The following TRPM6 variants were observed in gnomAD, a reference collection of about 807,000 sequenced individuals.
The protein encoded by TRPM6 is transient receptor potential cation channel subfamily M member 6, also known as channel kinase 2.
TRPM6 carries 111 observed loss-of-function variants against 247.6 expected under a neutral mutation model. That is an observed-to-expected ratio of 0.45 (90% CI 0.38 to 0.52). TRPM6 has a LOEUF of 0.52. Ranked by LOEUF, TRPM6 falls within the 20% of genes least tolerant of loss-of-function variation. The probability of loss-of-function intolerance (pLI) is 0.00; values close to 1 mark genes in which losing one functional copy is unlikely to be tolerated. For synonymous variants in TRPM6, 892 were observed against 853.8 expected (o/e 1.04, Z -0.78); for missense variants, 2,126 against 2,421.5 (o/e 0.88, Z 2.56).
chr9:74,801,577 C>A (rs971538476), intron 16 of TRPM6, among the ~76,000 whole-genome samples: 52 of 152,228 alleles, frequency 3.4e-4, no homozygotes, highest in African/African-American at 1.2e-3. Context: ...TCAAAGACTT[C>A]TAGAGTTAGG....
intron 19 of TRPM6, among the ~76,000 whole-genome samples, chr9:74,791,365 C>T (rs2151424): frequency 0.28 from 42,481 of 152,010 alleles, 6,146 homozygotes; most frequent in African/African-American, 0.35. Context: ...TATCCTTTTA[C>T]AGTCACACTT....
rs190547689 is a variant in TRPM6 at position 74,845,115 on chromosome 9, G to C, written c.153-2772C>G. ...TCGCCGATTAAAGATTGTCATAACA[G>C]ATACAATAATGATAAAATAAAAAAG... is the stretch of plus-strand genomic sequence containing the variant. On this transcript the variant is annotated intron_variant, in intron 3 of 38. Transcript: ENST00000360774. Among the ~76,000 whole-genome samples, 230 of 152,280 alleles carry C rather than the reference G, an allele frequency of 1.5e-3. 1 individual carries two copies. Among genetic ancestry groups the C allele is most frequent in the Admixed American group, 6.8e-3 (104 of 15,296 alleles).
At chr9:74,839,927 GAAAA>G (rs1829871401) in intron 5 of TRPM6, 93 bp downstream of exon 5, 1 of 439,680 alleles carries the variant, frequency 2.3e-6, no homozygotes, top group African/African-American at 6.1e-5. Context: ...GGAAAGAAAA[GAAAA>G]GAAAGAGAAA....
intron 16 of TRPM6, among the ~76,000 whole-genome samples, chr9:74,801,427 C>A (rs1828335023): frequency 6.6e-6 from 1 of 151,942 alleles, no homozygotes; most frequent in South Asian, 2.1e-4. Context: ...ATTACTATAA[C>A]ACTTTAGTAA....
At chr9:74,846,672 A>T (rs1371074254) in intron 3 of TRPM6, among the ~76,000 whole-genome samples, 1 of 151,772 alleles carries the variant, frequency 6.6e-6, no homozygotes, top group Non-Finnish European at 1.5e-5. Context: ...TCAGCCTCCC[A>T]AGTAGCTGGG....
chr9:74,741,111 C>A (rs1825849910), intron 33 of TRPM6, among the ~76,000 whole-genome samples: 4 of 152,090 alleles, frequency 2.6e-5, no homozygotes, highest in Non-Finnish European at 4.4e-5. Flanking sequence ...CAGATACAAA[C>A]TCAATCCCAC....
chr9:74,846,165 C>T (rs1465980367), intron 3 of TRPM6, among the ~76,000 whole-genome samples: 1 of 152,134 alleles, frequency 6.6e-6, no homozygotes, highest in Non-Finnish European at 1.5e-5. Context: ...ATAAGTTGAT[C>T]AGGTAAGTTG....
At chr9:74,819,308 CAA>C (rs35593869) in intron 9 of TRPM6, among the ~76,000 whole-genome samples, 29 of 127,000 alleles carry the variant, frequency 2.3e-4, no homozygotes, top group Non-Finnish European at 2.1e-4. Flanking sequence ...GGCCCTGTCT[CAA>C]AAAAAAAAAA....
chr9:74,809,661 G>C (rs1828655286), intron 13 of TRPM6, among the ~76,000 whole-genome samples: 1 of 151,852 alleles, frequency 6.6e-6, no homozygotes, highest in Non-Finnish European at 1.5e-5. Flanking sequence ...ACATGAGCAC[G>C]GACACTTTTG....
intron 17 of TRPM6, chr9:74,799,790 A>T (rs1828245849): frequency 5.2e-6 from 1 of 191,142 alleles, no homozygotes; most frequent in Non-Finnish European, 1.1e-5. Context: ...GTAAAATTAT[A>T]CCCATTTTTC....
intron 36 of TRPM6, among the ~76,000 whole-genome samples, chr9:74,734,215 G>A (rs966941788): frequency 3.3e-5 from 5 of 152,152 alleles, no homozygotes; most frequent in African/African-American, 1.2e-4. Flanking sequence ...CGATTTCTGA[G>A]ATCATTCTCT....
At chr9:74,785,596 C>A (rs1440181663) in intron 21 of TRPM6, among the ~76,000 whole-genome samples, 1 of 152,112 alleles carries the variant, frequency 6.6e-6, no homozygotes, top group Non-Finnish European at 1.5e-5. Flanking sequence ...AATCTCGGCT[C>A]ACTGCAAGCT....
chr9:74,792,546 A>G (rs776431675), intron 19 of TRPM6, 78 bp downstream of exon 19: 5 of 1,488,092 alleles, frequency 3.4e-6, no homozygotes, highest in Non-Finnish European at 4.7e-6. Flanking sequence ...GCAAAGTGGC[A>G]AATCAGGCAT....
chr9:74,723,860 TAA>T lies in TRPM6; in HGVS notation c.*751_*752del, dbSNP rs1563983659. The T allele has an allele frequency of 6.8e-6, 1 of 146,650 alleles. No individual in the cohort carries two copies. Among genetic ancestry groups the T allele is most frequent in the Non-Finnish European group, 1.5e-5 (1 of 67,000 alleles). 9.1% of individuals were successfully genotyped at this position (146,650 alleles called of 1,614,324 possible). The stretch of plus-strand genomic sequence containing the variant: ...ATATTCCATATGTATTTTATATATA[TAA>T]TATATATATTCCATATATATTATAT... On this transcript the variant is annotated 3_prime_UTR_variant, in exon 39 of 39. Coordinates refer to ENST00000360774, the MANE Select transcript of TRPM6 (RefSeq NM_017662.5).
chr9:74,817,142 A>G (rs1828963104), intron 9 of TRPM6, among the ~76,000 whole-genome samples, 178 bp from the exon 10 acceptor site: 1 of 152,204 alleles, frequency 6.6e-6, no homozygotes, highest in African/African-American at 2.4e-5. Flanking sequence ...AATTATGGGC[A>G]CTTGGGGGGG....
intron 38 of TRPM6, 22 bp from the exon 39 acceptor site, chr9:74,724,768 AG>A: frequency 6.2e-7 from 1 of 1,614,022 alleles, no homozygotes; most frequent in East Asian, 2.2e-5. Flanking sequence ...ACAAGTAAAA[AG>A]GTTATAGTGG....
At chr9:74,784,112 C>T (rs760175519) in intron 21 of TRPM6, among the ~76,000 whole-genome samples, 7 of 151,810 alleles carry the variant, frequency 4.6e-5, no homozygotes, top group Admixed American at 2.6e-4. Context: ...AAAAATTAGC[C>T]GGGCATGGTG....
In TRPM6 at chr9:74,800,325, T is replaced by C; in HGVS notation, c.2167A>G (p.Thr723Ala). Residue 723 changes from threonine to alanine, a missense_variant, in exon 17 of 39, where the codon ACT becomes GCT. This residue lies in a region of TRPM6 where 1,082 missense variants were observed against 1,307.9 expected (regional missense o/e 0.83). Transcript: ENST00000360774. ...TCTGTCAGTAGCATCTGGGTACAAG[T>C]ATGTGAAACAAAGGGTCGTAATCCT... ...SGGLRPFVSH[T>A]CTQMLLTDMW... is the part of the protein sequence containing the mutation. The C allele has an allele frequency of 6.2e-7, 1 of 1,614,132 alleles. No individual in the cohort carries two copies. Among genetic ancestry groups the C allele is most frequent in the Non-Finnish European group, 8.5e-7 (1 of 1,180,026 alleles).
At chr9:74,786,338 C>A (rs182780683) in intron 20 of TRPM6, among the ~76,000 whole-genome samples, 1 of 152,162 alleles carries the variant, frequency 6.6e-6, no homozygotes, top group Non-Finnish European at 1.5e-5. Context: ...TTTGATAATA[C>A]CAGATTGTCA....
Sources: allele counts gnomAD v4.1 joint callset (sites outside exome capture counted in the v4.1 genomes callset), GRCh38; gene constraint gnomAD v4.1.1; regional missense constraint gnomAD v4.1.1; transcripts MANE v1.5; gene names NCBI Gene and HGNC (gene_info 2026-07-23, HGNC 2026-07-21).